PDZRN4: variants seen among roughly 807,000 people sequenced by gnomAD.
The protein encoded by PDZRN4 is PDZ domain containing ring finger 4.
PDZRN4 carries 70 observed loss-of-function variants against 99.0 expected under a neutral mutation model. The ratio of observed to expected loss-of-function variants is 0.71; its 90% confidence interval spans 0.58 to 0.86. PDZRN4 has a LOEUF of 0.86. PDZRN4 is among the 40% of genes least tolerant of loss of function. PDZRN4 has a pLI of 0.00. For synonymous variants in PDZRN4, 551 were observed against 501.6 expected, an observed-to-expected ratio of 1.10 and a Z score of -1.32; for missense variants, 1,474 against 1,331.2, an observed-to-expected ratio of 1.11 and a Z score of -1.67.
intron 5 of PDZRN4, among the ~76,000 whole-genome samples, chr12:41,537,456 G>A (rs1938767983): frequency 6.6e-6 from 1 of 152,120 alleles, no homozygotes; most frequent in South Asian, 2.1e-4. Context: ...TACATTTTTT[G>A]TGAGGAGGAA....
intron 8 of PDZRN4, among the ~76,000 whole-genome samples, chr12:41,566,761 G>C (rs556209180): frequency 2.0e-5 from 3 of 152,252 alleles, no homozygotes; most frequent in Admixed American, 6.6e-5. Context: ...CAGTTCATTG[G>C]TGGTGAAAAT....
rs1446077279 is a variant in PDZRN4, at chr12:41,572,552, C to T, written c.1773C>T (p.Ser591=). 2.5e-6 allele frequency: 4 copies of T among 1,613,974 alleles called. No homozygotes were observed. The highest frequency in any genetic ancestry group is 3.4e-6 in the Non-Finnish European group (4 of 1,180,006). The change falls in exon 10 of 10, where the codon AGC becomes AGT. Residue 591 remains serine (S), a synonymous_variant. Coordinates refer to ENST00000402685, the MANE Select transcript of PDZRN4 (RefSeq NM_001164595.2). The part of the protein sequence containing the change: ...SLKSKRDLGQ[S]QDTLGSVELQ... ...AGAGCAAGAGAGACCTGGGGCAGAG[C>T]CAAGACACTCTGGGAAGTGTTGAAC...
chr12:41,345,614 TC>T (rs1306291739), intron 3 of PDZRN4, among the ~76,000 whole-genome samples: 13 of 152,334 alleles, frequency 8.5e-5, no homozygotes, highest in Non-Finnish European at 1.8e-4. Flanking sequence ...GAATCATTTA[TC>T]TTCTCAGTTG....
At chr12:41,190,302 T>C (rs1950728260) in intron 1 of PDZRN4, among the ~76,000 whole-genome samples, 1 of 152,162 alleles carries the variant, frequency 6.6e-6, no homozygotes, top group Non-Finnish European at 1.5e-5. Flanking sequence ...AAACGACCGG[T>C]TTCAAGGAGT....
intron 3 of PDZRN4, among the ~76,000 whole-genome samples, chr12:41,474,736 C>A (rs1953024243): frequency 6.6e-6 from 1 of 151,938 alleles, no homozygotes; most frequent in Non-Finnish European, 1.5e-5. Context: ...ATGACTGAGG[C>A]CTGGATTAGG....
intron 3 of PDZRN4, among the ~76,000 whole-genome samples, chr12:41,267,158 T>C (rs953380216): frequency 6.6e-6 from 1 of 152,214 alleles, no homozygotes; most frequent in African/African-American, 2.4e-5. Context: ...TCATCTTATA[T>C]GGATAATGTG....
intron 3 of PDZRN4, among the ~76,000 whole-genome samples, chr12:41,425,958 A>G (rs551714797): frequency 1.3e-5 from 2 of 152,322 alleles, no homozygotes; most frequent in South Asian, 4.1e-4. Context: ...TCTGGAGCTT[A>G]GTTGCTTACG....
In PDZRN4 at chr12:41,471,175, G is replaced by T. The variant is rs142368422; in HGVS notation, c.844-35281G>T. 6.4e-3 allele frequency among the ~76,000 whole-genome samples: 974 copies of T among 152,326 alleles called. 15 individuals carry two copies. Among genetic ancestry groups the T allele is most frequent in the African/African-American group, 0.021 (872 of 41,576 alleles). Reference sequence around the variant, plus strand: ...TAGGACAAAGCGCACCGCTATGGCAGCCTCCCTTAAGCAACTTAAATATTA... The same window carrying T: ...TAGGACAAAGCGCACCGCTATGGCATCCTCCCTTAAGCAACTTAAATATTA... On this transcript the variant is annotated intron_variant, in intron 3 of 9. Coordinates refer to ENST00000402685, the MANE Select transcript of PDZRN4 (RefSeq NM_001164595.2).
At position 41,344,189 on chromosome 12, in the gene PDZRN4, T is replaced by A. The variant is rs76084694; in HGVS notation, c.843+150001T>A. ...ACAGAGTTCAATGAGGCTTTTTATC[T>A]TAAATTATATTTTCAACTTGACCTC... On this transcript the variant is annotated intron_variant, in intron 3 of 9. Coordinates refer to ENST00000402685, the MANE Select transcript of PDZRN4 (RefSeq NM_001164595.2). Among the ~76,000 whole-genome samples, 1,425 of 152,280 alleles carry A rather than the reference T, an allele frequency of 9.4e-3. 14 individuals are homozygous for A. The highest frequency in any genetic ancestry group is 0.014 in the Middle Eastern group (4 of 294).
chr12:41,485,719 A>T (rs1166149821), intron 3 of PDZRN4, among the ~76,000 whole-genome samples: 1 of 152,152 alleles, frequency 6.6e-6, no homozygotes, highest in African/African-American at 2.4e-5. Context: ...ATAAACGATG[A>T]GTCATTCTTG....
chr12:41,294,578 C>T (rs73122838), intron 3 of PDZRN4, among the ~76,000 whole-genome samples: 11,539 of 151,958 alleles, frequency 0.076, 901 homozygotes, highest in African/African-American at 0.2. Context: ...AATAGTATAA[C>T]AAAGAGAGTA....
At chr12:41,264,040 A>G (rs1414352784) in intron 3 of PDZRN4, among the ~76,000 whole-genome samples, 4 of 152,222 alleles carry the variant, frequency 2.6e-5, no homozygotes, top group Non-Finnish European at 5.9e-5. Context: ...ATATAAAAGT[A>G]TAGTTAACAA....
At chr12:41,226,164 AAGACCTTTCCCTGG>A (rs1950993319) in intron 3 of PDZRN4, among the ~76,000 whole-genome samples, 1 of 152,020 alleles carries the variant, frequency 6.6e-6, no homozygotes, top group South Asian at 2.1e-4. Flanking sequence ...TTACAAAATA[AAGACCTTTCCCTGG>A]CCCATTTGCT....
intron 3 of PDZRN4, among the ~76,000 whole-genome samples, chr12:41,377,219 G>T (rs1918229): frequency 0.47 from 71,063 of 151,980 alleles, 17,452 homozygotes; most frequent in Middle Eastern, 0.66. Context: ...GGGGTCTTCT[G>T]TGGTTCCATA....
intron 3 of PDZRN4, among the ~76,000 whole-genome samples, chr12:41,204,590 A>T (rs1288269067): frequency 1.3e-5 from 2 of 152,018 alleles, no homozygotes; most frequent in Non-Finnish European, 2.9e-5. Context: ...ACAAGGCAGC[A>T]GGAGGGAGAA....
chr12:41,403,509 A>C (rs776974516), intron 3 of PDZRN4, among the ~76,000 whole-genome samples: 1 of 151,998 alleles, frequency 6.6e-6, no homozygotes, highest in African/African-American at 2.4e-5. Context: ...TATGCCCCTC[A>C]CTCCAAGGTT....
chr12:41,319,748 C>T (rs1034103555), intron 3 of PDZRN4, among the ~76,000 whole-genome samples: 4 of 152,162 alleles, frequency 2.6e-5, no homozygotes, highest in African/African-American at 9.7e-5. Context: ...CATTATTAAA[C>T]GTTCCTAGAG....
chr12:41,299,265 T>TGAGA (rs374747989), intron 3 of PDZRN4, among the ~76,000 whole-genome samples: 5 of 150,176 alleles, frequency 3.3e-5, no homozygotes, highest in South Asian at 4.2e-4. Context: ...GAGAGTAAAA[T>TGAGA]GAGAGAGAGA....
At chr12:41,444,327 C>G (rs1310588385) in intron 3 of PDZRN4, among the ~76,000 whole-genome samples, 2 of 152,004 alleles carry the variant, frequency 1.3e-5, no homozygotes, top group African/African-American at 4.8e-5. Context: ...ACAGGTCTGG[C>G]CATCTTCTGC....
Sources: allele counts gnomAD v4.1 joint callset (sites outside exome capture counted in the v4.1 genomes callset), GRCh38; gene constraint gnomAD v4.1.1; transcripts MANE v1.5; gene names NCBI Gene and HGNC (gene_info 2026-07-23, HGNC 2026-07-21).